Variants in BBS5 observed in about 807,000 individuals in gnomAD.
BBS5 encodes the protein Bardet-Biedl syndrome 5.
Under a neutral mutation model 50.2 loss-of-function variants are expected in BBS5, and 39 were observed. That is an observed-to-expected ratio of 0.78 (90% CI 0.60 to 1.01). BBS5 has a LOEUF of 1.01. Among genes scored for constraint, BBS5 ranks in the 50% least tolerant of loss-of-function variants. The pLI, the probability that BBS5 is intolerant of heterozygous loss-of-function variation, is 0.00. For synonymous variants in BBS5, 134 were observed against 133.1 expected (o/e 1.01, Z -0.05); for missense variants, 356 against 401.5 (o/e 0.89, Z 0.97).
At chr2:169,502,035 C>T (rs1045569061) in intron 9 of BBS5, among the ~76,000 whole-genome samples, 16 of 152,088 alleles carry the variant, frequency 1.1e-4, no homozygotes, top group African/African-American at 3.9e-4. Context: ...ATTCTGCTTG[C>T]TTACTTTCTC....
chr2:169,495,717 A>G (rs1443541227), intron 7 of BBS5, among the ~76,000 whole-genome samples: 1 of 152,158 alleles, frequency 6.6e-6, no homozygotes, highest in Admixed American at 6.5e-5. Context: ...GTACAGTGGC[A>G]TGGTCTTGGC....
At chr2:169,489,174 T>G (rs577172077) in intron 5 of BBS5, among the ~76,000 whole-genome samples, 3 of 151,998 alleles carry the variant, frequency 2.0e-5, no homozygotes, top group Non-Finnish European at 2.9e-5. Flanking sequence ...AAAATGTTTT[T>G]GTAGAGCCAG....
At position 169,496,685 on chromosome 2, in the gene BBS5, C is replaced by T. The variant is rs868252848; in HGVS notation, c.619-942C>T. On this transcript the variant is annotated intron_variant, in intron 7 of 11. Transcript: ENST00000295240. ...GAGATCGAGACCATCCCGGCTAAAA[C>T]GGTGAAACCCCGTCTCTACTAAAAA... Among the ~76,000 whole-genome samples the T allele has an allele frequency of 3.6e-4, 55 of 151,834 alleles. 1 individual carries two copies. In the Middle Eastern group the frequency reaches 0.024, roughly 66 times the overall value.
chr2:169,479,714 C>A, intron 1 of BBS5, 102 bp downstream of exon 1: 1 of 1,321,868 alleles, frequency 7.6e-7, no homozygotes. Context: ...AGCTCGCGGC[C>A]CTGGTGAGGG....
At chr2:169,484,475 A>G (rs1181513025) in intron 2 of BBS5, among the ~76,000 whole-genome samples, 3 of 152,206 alleles carry the variant, frequency 2.0e-5, no homozygotes, top group African/African-American at 4.8e-5. Flanking sequence ...GCTTCTGGTC[A>G]TTAAGGAGTT....
At chr2:169,490,672 T>C (rs1683581025) in intron 5 of BBS5, among the ~76,000 whole-genome samples, 1 of 152,246 alleles carries the variant, frequency 6.6e-6, no homozygotes, top group Non-Finnish European at 1.5e-5. Flanking sequence ...AAATTTTACA[T>C]AACAAAATTT....
intron 9 of BBS5, among the ~76,000 whole-genome samples, chr2:169,501,058 C>T (rs1173530131): frequency 1.3e-5 from 2 of 152,158 alleles, no homozygotes. Flanking sequence ...TCAGATTTAT[C>T]TTAGTAATTT....
chr2:169,482,173 A>G, intron 1 of BBS5, 78 bp from the exon 2 acceptor site: 3 of 887,108 alleles, frequency 3.4e-6, no homozygotes, highest in Non-Finnish European at 5.8e-6. Flanking sequence ...TTATGTACAT[A>G]TGTCTCTTTT....
chr2:169,496,753 C>T (rs375366159), intron 7 of BBS5, among the ~76,000 whole-genome samples: 303 of 139,536 alleles, frequency 2.2e-3, no homozygotes, highest in East Asian at 7.5e-3. Flanking sequence ...CCTGTAGTCC[C>T]AGCTACTTGG....
intron 9 of BBS5, among the ~76,000 whole-genome samples, chr2:169,500,779 A>G (rs905698924): frequency 1.3e-5 from 2 of 152,180 alleles, no homozygotes; most frequent in Non-Finnish European, 2.9e-5. Flanking sequence ...ATTGTATTAC[A>G]TACACGGTAT....
chr2:169,495,214 AGTTT>A (rs1331717153), intron 7 of BBS5, among the ~76,000 whole-genome samples: 1 of 152,222 alleles, frequency 6.6e-6, no homozygotes, highest in Non-Finnish European at 1.5e-5. Flanking sequence ...GGAATATAAG[AGTTT>A]GTAATCAAGG....
At chr2:169,488,771 A>G (rs1231300106) in intron 5 of BBS5, among the ~76,000 whole-genome samples, 1 of 152,242 alleles carries the variant, frequency 6.6e-6, no homozygotes, top group African/African-American at 2.4e-5. Flanking sequence ...AACACATAAA[A>G]CTACTGAAGA....
At chr2:169,504,040 T>C (rs894967643) in intron 10 of BBS5, among the ~76,000 whole-genome samples, 4 of 152,220 alleles carry the variant, frequency 2.6e-5, no homozygotes, top group Non-Finnish European at 4.4e-5. Flanking sequence ...AAGTCATTCT[T>C]TTTTATCTCC....
chr2:169,481,180 T>C (rs1413265668), intron 1 of BBS5, among the ~76,000 whole-genome samples: 4 of 152,130 alleles, frequency 2.6e-5, no homozygotes, highest in African/African-American at 7.2e-5. Flanking sequence ...ATGTGGTAAA[T>C]ACCATTCTGA....
At chr2:169,481,132 C>G (rs11687905) in intron 1 of BBS5, among the ~76,000 whole-genome samples, 93,878 of 152,106 alleles carry the variant, frequency 0.62, 30,028 homozygotes, top group Non-Finnish European at 0.7. Flanking sequence ...TCCCCCCGTT[C>G]TAGTGCAGGA....
Position 169,493,739 on chromosome 2 carries a change from A to G in BBS5, c.523-2A>G, listed in dbSNP as rs1351541186. The G allele has an allele frequency of 1.2e-6, 2 of 1,601,796 alleles. No homozygotes were observed. Among genetic ancestry groups the G allele is most frequent in the East Asian group, 2.2e-5 (1 of 44,748 alleles). Reference sequence around the variant, plus strand: ...TCGGTATCTCATTACTGTTTTTTACAGGGCAATTTAGGAACCTTTTTTATT... The same window carrying G: ...TCGGTATCTCATTACTGTTTTTTACGGGGCAATTTAGGAACCTTTTTTATT... On this transcript the variant is annotated splice_acceptor_variant, in intron 6 of 11. Transcript: ENST00000295240. LOFTEE classifies it high-confidence loss of function.
chr2:169,498,366 A>C (rs1297125854), intron 8 of BBS5, among the ~76,000 whole-genome samples: 7 of 152,236 alleles, frequency 4.6e-5, no homozygotes, highest in African/African-American at 1.7e-4. Context: ...TTCTAAATTT[A>C]AACATGAATG....
At position 169,504,491 on chromosome 2, in the gene BBS5, G is replaced by A. The variant is rs751420732; in HGVS notation, c.935G>A (p.Arg312His). ...CTGTCTCCCAAAAAGCAACAAGATC[G>A]TGAACCTGTATTTTCAGAAGAACTG... ...YFADGNKQQD[R>H]EPVFSEELGL... Residue 312 changes from arginine (R) to histidine (H), a missense_variant, in exon 12 of 12, where the codon CGT (arginine) becomes CAT (histidine). Transcript: ENST00000295240. 40 of 1,613,506 alleles carry A rather than the reference G, an allele frequency of 2.5e-5. No homozygotes were observed. The highest frequency in any genetic ancestry group is 7.7e-5 in the South Asian group (7 of 91,070).
chr2:169,483,031 T>C (rs1362547370), intron 2 of BBS5, among the ~76,000 whole-genome samples: 2 of 152,088 alleles, frequency 1.3e-5, no homozygotes, highest in Non-Finnish European at 2.9e-5. Context: ...ATCCAGAATA[T>C]GTTTTAGTGG....
Sources: gnomAD v4.1 joint callset for allele counts (sites outside exome capture counted in the v4.1 genomes callset) on GRCh38, gnomAD v4.1.1 for gene constraint, MANE v1.5 for transcripts, NCBI Gene and HGNC (gene_info 2026-07-23, HGNC 2026-07-21) for gene names.